USP16: variants seen among roughly 807,000 people sequenced by gnomAD.
The protein encoded by USP16 is ubiquitin carboxyl-terminal hydrolase 16.
In USP16, 77 loss-of-function variants were observed where a neutral mutation model predicts 95.9. The observed-to-expected ratio is 0.80, with a 90% CI of 0.67 to 0.97. USP16 has a LOEUF of 0.97. Ranked by LOEUF, USP16 falls within the 50% of genes least tolerant of loss-of-function variation. The pLI is 0.00. For missense variants in USP16, 943 were observed against 959.9 expected (o/e 0.98, Z 0.23); for synonymous variants, 303 against 318.2 (o/e 0.95, Z 0.51).
chr21:29,052,320 A>C (rs1218197409), intron 16 of USP16: 1 of 152,334 alleles, frequency 6.6e-6, no homozygotes, highest in African/African-American at 2.4e-5. Flanking sequence ...AGACTGGGCA[A>C]TTTACAAAAG....
intron 16 of USP16, chr21:29,052,975 G>A (rs1472371530): frequency 6.6e-6 from 1 of 152,218 alleles, no homozygotes; most frequent in Non-Finnish European, 1.5e-5. Context: ...GACGGAGTGA[G>A]ACCCTGTCTC....
Position 29,047,423 on chromosome 21 carries a change from A to G in USP16, c.2011+102A>G, listed in dbSNP as rs967328242. 2.4e-6 allele frequency: 3 copies of G among 1,265,652 alleles called. No individual in the cohort carries two copies. In the African/African-American group the frequency reaches 4.6e-5, roughly 19 times the overall value. The allele number at this position is 1,265,652 out of a possible 1,614,324, so 78.4% of individuals were successfully genotyped here. A position where few individuals can be genotyped will look rare whatever the true frequency, so the allele number is the denominator to read the frequency against. ...ATTGTATCAGGATTTGGATGGCATG[A>G]ATAAGTGTCCTTTTCTGTGTAAATA... On this transcript the variant is annotated intron_variant, in intron 14 of 17. Coordinates refer to ENST00000399976, the MANE Select transcript of USP16 (RefSeq NM_006447.3).
rs2085175781 is a variant in USP16, at chr21:29,037,477, T to G, written c.636+14T>G. On this transcript the variant is annotated intron_variant, in intron 6 of 17. Transcript: ENST00000399976. ...GCAGTTATGCAGGTACATTGTCATT[T>G]TTTTCCCTTTAAAAAAGCTGTCCTT... The G allele has an allele frequency of 6.5e-7, 1 of 1,529,332 alleles. No homozygotes were observed. The highest frequency in any genetic ancestry group is 8.8e-7 in the Non-Finnish European group (1 of 1,141,228). The allele number at this position is 1,529,332 out of a possible 1,614,324, so 94.7% of individuals were successfully genotyped here. A position where few individuals can be genotyped will look rare whatever the true frequency, so the allele number is the denominator to read the frequency against.
In USP16 at chr21:29,028,022, A is replaced by G. The variant is rs142450118; in HGVS notation, c.61+48A>G. 1.0e-3 allele frequency: 1,388 copies of G among 1,381,844 alleles called. 12 individuals are homozygous for G. In the African/African-American group the frequency reaches 0.017, roughly 17 times the overall value. 85.6% of individuals were successfully genotyped at this position (1,381,844 alleles called of 1,614,324 possible). A position where few individuals can be genotyped will look rare whatever the true frequency, so the allele number is the denominator to read the frequency against. On this transcript the variant is annotated intron_variant, in intron 2 of 17. Transcript: ENST00000399976. ...TTAATGTTTATATCTCTAAATGAAT[A>G]TGTTTTAAAATGTAAAAATGGTATA...
intron 16 of USP16, among the ~76,000 whole-genome samples, chr21:29,050,707 A>C (rs2085400577): frequency 2.6e-5 from 4 of 152,190 alleles, no homozygotes. Flanking sequence ...GTAGTTCTAG[A>C]GTTTATAGTA....
intron 4 of USP16, 100 bp downstream of exon 4, chr21:29,035,040 T>C: frequency 8.6e-7 from 1 of 1,162,020 alleles, no homozygotes; most frequent in Non-Finnish European, 1.2e-6. Flanking sequence ...TTAAAATTTT[T>C]GTAGTATGTT....
chr21:29,039,404 A>G (rs1288123964), intron 8 of USP16, 77 bp from the exon 9 acceptor site: 8 of 1,481,332 alleles, frequency 5.4e-6, no homozygotes, highest in Non-Finnish European at 6.4e-6. Flanking sequence ...TTGGGATATG[A>G]TCCTAAGATT....
intron 3 of USP16, among the ~76,000 whole-genome samples, chr21:29,032,333 G>A (rs1218713268): frequency 6.6e-6 from 1 of 152,102 alleles, no homozygotes; most frequent in African/African-American, 2.4e-5. Context: ...CCAGGCTCAA[G>A]TGATCCTCCC....
Position 29,024,749 on chromosome 21 carries a change from G to C in USP16, c.-70G>C. 5.4e-6 allele frequency: 7 copies of C among 1,289,186 alleles called. No individual in the cohort carries two copies. Among genetic ancestry groups the C allele is most frequent in the Non-Finnish European group, 7.1e-6 (7 of 988,806 alleles). The allele number at this position is 1,289,186 out of a possible 1,614,324, so 79.9% of individuals were successfully genotyped here. On this transcript the variant is annotated 5_prime_UTR_variant, in exon 1 of 18. Transcript: ENST00000399976. The stretch of plus-strand genomic sequence containing the variant: ...CTGCCCAGCCCAAAGGCCCATGAGG[G>C]GATGCAGTTATGGGCTCTGTCGCCG...
intron 16 of USP16, among the ~76,000 whole-genome samples, 193 bp downstream of exon 16, chr21:29,050,371 G>A (rs993927870): frequency 1.3e-5 from 2 of 152,102 alleles, no homozygotes; most frequent in Non-Finnish European, 2.9e-5. Context: ...TCAGTTCAAC[G>A]TTTGGAATCC....
At chr21:29,040,771 A>AGG in intron 10 of USP16, 84 bp downstream of exon 10, 1 of 611,864 alleles carries the variant, frequency 1.6e-6, no homozygotes, top group Non-Finnish European at 2.6e-6. Flanking sequence ...TATATTTCCA[A>AGG]GTCCACAATT....
intron 13 of USP16, among the ~76,000 whole-genome samples, chr21:29,044,349 C>A: frequency 6.6e-6 from 1 of 151,816 alleles, no homozygotes; most frequent in East Asian, 1.9e-4. Context: ...TGGTTTTTTT[C>A]CCCCTTTCTC....
intron 1 of USP16, chr21:29,025,726 C>T (rs2084976802): frequency 1.0e-6 from 1 of 984,500 alleles, no homozygotes; most frequent in South Asian, 4.7e-5. Context: ...TTGCTTCATT[C>T]TTATGTACCT....
At chr21:29,027,181 T>G (rs1415192518) in intron 1 of USP16, among the ~76,000 whole-genome samples, 1 of 152,264 alleles carries the variant, frequency 6.6e-6, no homozygotes, top group Non-Finnish European at 1.5e-5. Flanking sequence ...TTTGAATTGT[T>G]GACTAAAAAA....
chr21:29,037,264 C>A lies in USP16; in HGVS notation c.449-12C>A. On this transcript the variant is annotated splice_polypyrimidine_tract_variant and intron_variant, in intron 5 of 17. Coordinates refer to ENST00000399976, the MANE Select transcript of USP16 (RefSeq NM_006447.3). ...TATTACACATTTTGCTAAATCTTTTCTTTTTTTAAAGCAGAGAAAGATAAT... is the reference window on the plus strand; with the variant it reads ...TATTACACATTTTGCTAAATCTTTTATTTTTTTAAAGCAGAGAAAGATAAT... The A allele has an allele frequency of 6.7e-7, 1 of 1,487,898 alleles. No individual in the cohort carries two copies. Among genetic ancestry groups the A allele is most frequent in the Non-Finnish European group, 9.1e-7 (1 of 1,096,272 alleles). 92.2% of individuals were successfully genotyped at this position (1,487,898 alleles called of 1,614,324 possible).
chr21:29,048,938 T>C (rs1472720179), intron 15 of USP16, 83 bp downstream of exon 15: 11 of 1,047,442 alleles, frequency 1.1e-5, no homozygotes, highest in Admixed American at 2.3e-5. Flanking sequence ...CTCAACATAC[T>C]ACTTTGTTTC....
chr21:29,050,395 A>G (rs1401499935), intron 16 of USP16, among the ~76,000 whole-genome samples: 1 of 152,164 alleles, frequency 6.6e-6, no homozygotes, highest in Non-Finnish European at 1.5e-5. Flanking sequence ...TTATTATGGC[A>G]TACATTGTCT....
At position 29,048,823 on chromosome 21, in the gene USP16, G is replaced by A. The variant is rs760011190; in HGVS notation, c.2074G>A (p.Val692Ile). The change falls in exon 15 of 18, where the codon GTT becomes ATT. Residue 692 changes from valine to isoleucine, a missense_variant. Coordinates refer to ENST00000399976, the MANE Select transcript of USP16 (RefSeq NM_006447.3). ...KQMLISLAPP[V>I]LTLHLKRFQQ... The stretch of plus-strand genomic sequence containing the variant: ...GATGCTAATTTCTCTTGCTCCTCCT[G>A]TTCTTACTCTTCATTTAAAGAGATT... 2 of 1,613,718 alleles carry A rather than the reference G, an allele frequency of 1.2e-6. No homozygotes were observed. Among genetic ancestry groups the A allele is most frequent in the Admixed American group, 3.3e-5 (2 of 60,008 alleles).
chr21:29,048,753 T>C lies in USP16; in HGVS notation c.2012-8T>C. 6.2e-7 allele frequency: 1 copy of C among 1,610,694 alleles called. No homozygotes were observed. The highest frequency in any genetic ancestry group is 1.1e-5 in the South Asian group (1 of 90,738). On this transcript the variant is annotated splice_region_variant and splice_polypyrimidine_tract_variant and intron_variant, in intron 14 of 17. Coordinates refer to ENST00000399976, the MANE Select transcript of USP16 (RefSeq NM_006447.3). ...TTCTCCCTGTTAAAAATTTCTTCTT[T>C]TCTTTAGGTGAAAGGAAGCATGTTT...
Sources: allele counts gnomAD v4.1 joint callset (sites outside exome capture counted in the v4.1 genomes callset), GRCh38; gene constraint gnomAD v4.1.1; transcripts MANE v1.5; gene names NCBI Gene and HGNC (gene_info 2026-07-23, HGNC 2026-07-21).